Variants in STARD13 observed in about 807,000 individuals in gnomAD.
The protein encoded by STARD13 is stAR-related lipid transfer protein 13.
Under a neutral mutation model 106.4 loss-of-function variants are expected in STARD13, and 62 were observed. The observed-to-expected ratio is 0.58, with a 90% CI of 0.48 to 0.72. STARD13 has a LOEUF of 0.72. Among genes scored for constraint, STARD13 ranks in the 30% least tolerant of loss-of-function variants. The pLI is 0.00. For missense variants in STARD13, 1,387 were observed against 1,424.0 expected, an observed-to-expected ratio of 0.97 and a Z score of 0.42; for synonymous variants, 565 against 553.0, an observed-to-expected ratio of 1.02 and a Z score of -0.31.
At chr13:33,402,861 G>A in the STARD13 span, among the ~76,000 whole-genome samples, 4 of 152,302 alleles carry the variant, frequency 2.6e-5, no homozygotes, top group Admixed American at 6.5e-5. Context: ...CCCCACTTCC[G>A]GCTCCCCATT....
At chr13:33,569,261 C>T in the STARD13 span, among the ~76,000 whole-genome samples, 1 of 147,624 alleles carries the variant, frequency 6.8e-6, no homozygotes, top group African/African-American at 2.5e-5. Flanking sequence ...CTACTCATAC[C>T]TTGTTGATAA....
the STARD13 span, among the ~76,000 whole-genome samples, chr13:33,669,059 G>T: frequency 6.6e-6 from 1 of 152,116 alleles, no homozygotes; most frequent in South Asian, 2.1e-4. Flanking sequence ...GCAGGTCCTG[G>T]ATCACAATGT....
the STARD13 span, among the ~76,000 whole-genome samples, chr13:33,457,036 T>C: frequency 6.6e-6 from 1 of 152,310 alleles, no homozygotes; most frequent in African/African-American, 2.4e-5. Context: ...AACTAAAAGA[T>C]TTGGTGACAG....
chr13:33,646,789 A>C, the STARD13 span, among the ~76,000 whole-genome samples: 4 of 152,196 alleles, frequency 2.6e-5, no homozygotes, highest in African/African-American at 9.7e-5. Flanking sequence ...CAAATCAGTG[A>C]AATGTTACAT....
chr13:33,504,524 A>G, the STARD13 span, among the ~76,000 whole-genome samples: 10 of 149,208 alleles, frequency 6.7e-5, no homozygotes, highest in Non-Finnish European at 4.4e-5. Context: ...CAAAGACCGC[A>G]TGTTCTCACT....
rs495680 is a variant in STARD13, at chr13:33,129,519, T to A, written c.1158A>T (p.Glu386Asp). The A allele has an allele frequency of 1.9e-6, 3 of 1,613,862 alleles. No homozygotes were observed. Among genetic ancestry groups the A allele is most frequent in the East Asian group, 2.2e-5 (1 of 44,842 alleles). The change falls in exon 5 of 14, where the codon GAA (glutamate) becomes GAT (aspartate). Residue 386 changes from glutamate to aspartate, a missense_variant. By Grantham distance (45) the Glu-to-Asp change is conservative. Transcript: ENST00000336934. ...PDAGDQSRMH[E>D]FHSQENLVVH... Reference sequence around the variant, plus strand: ...CCACCAAATTCTCTTGGGAGTGAAATTCATGCATACGGCTTTGGTCCCCTG... The same window carrying A: ...CCACCAAATTCTCTTGGGAGTGAAAATCATGCATACGGCTTTGGTCCCCTG...
At chr13:33,390,496 G>A in the STARD13 span, among the ~76,000 whole-genome samples, 1 of 152,180 alleles carries the variant, frequency 6.6e-6, no homozygotes, top group Non-Finnish European at 1.5e-5. Flanking sequence ...ACTTGAGAAT[G>A]ACAGAGGGCA....
At chr13:33,385,597 C>A in the STARD13 span, among the ~76,000 whole-genome samples, 11 of 151,272 alleles carry the variant, frequency 7.3e-5, no homozygotes, top group Non-Finnish European at 1.5e-4. Context: ...CGGTGGCTCA[C>A]GCCTGTAATC....
At chr13:33,228,498 C>T (rs558374678) in intron 1 of STARD13, among the ~76,000 whole-genome samples, 17 of 151,602 alleles carry the variant, frequency 1.1e-4, no homozygotes, top group Non-Finnish European at 2.4e-4. Context: ...TGTGTGGACT[C>T]CTTAGTGAAA....
At chr13:33,323,650 G>A (rs1043916426) in intron 1 of STARD13, among the ~76,000 whole-genome samples, 10 of 152,142 alleles carry the variant, frequency 6.6e-5, no homozygotes, top group African/African-American at 2.4e-4. Flanking sequence ...CTGATCTTCT[G>A]CTTTCCCATT....
chr13:33,559,814 G>A, the STARD13 span, among the ~76,000 whole-genome samples: 3 of 151,494 alleles, frequency 2.0e-5, no homozygotes, highest in South Asian at 2.1e-4. Flanking sequence ...CCAAGATCAC[G>A]CCACTGCACT....
the STARD13 span, among the ~76,000 whole-genome samples, chr13:33,643,001 G>T: frequency 6.6e-6 from 1 of 152,098 alleles, no homozygotes; most frequent in Non-Finnish European, 1.5e-5. Context: ...TGCAATGAAG[G>T]CCTGCAAGAG....
the STARD13 span, among the ~76,000 whole-genome samples, chr13:33,416,504 T>C: frequency 6.6e-6 from 1 of 152,184 alleles, no homozygotes; most frequent in African/African-American, 2.4e-5. Context: ...TAGTCTGTAG[T>C]TTCTGATGGA....
chr13:33,469,614 A>G, the STARD13 span, among the ~76,000 whole-genome samples: 1 of 152,302 alleles, frequency 6.6e-6, no homozygotes, highest in African/African-American at 2.4e-5. Context: ...GCAAAGAGAC[A>G]ATATTAGAGT....
the STARD13 span, among the ~76,000 whole-genome samples, chr13:33,517,178 G>T: frequency 6.6e-6 from 1 of 151,946 alleles, no homozygotes; most frequent in Non-Finnish European, 1.5e-5. Context: ...TGCATCATAG[G>T]TTTTTATCAC....
rs1033994840 is a variant in STARD13, at chr13:33,165,377, G to A, written c.283C>T (p.His95Tyr). 18 of 1,613,740 alleles carry A rather than the reference G, an allele frequency of 1.1e-5. No homozygotes were observed. Among genetic ancestry groups the A allele is most frequent in the Non-Finnish European group, 1.4e-5 (16 of 1,179,852 alleles). The change falls in exon 3 of 14, where the codon CAT becomes TAT. Residue 95 changes from histidine (H) to tyrosine (Y), a missense_variant. Physicochemically the swap from His to Tyr is moderately conservative, Grantham distance 83. Transcript: ENST00000336934. ...PINIVAVKNDHDFLEKDLVEP... is the reference protein window; with the variant it reads ...PINIVAVKNDYDFLEKDLVEP... ...ACAAGGTCCTTTTCAAGAAAATCAT[G>A]ATCATTCTTGACAGCCACAATGTTG...
intron 1 of STARD13, among the ~76,000 whole-genome samples, chr13:33,188,697 T>C (rs7335916): frequency 0.34 from 51,057 of 152,118 alleles, 9,087 homozygotes; most frequent in East Asian, 0.6. Flanking sequence ...TGTTTCACTG[T>C]TCGTCACTTC....
chr13:33,150,064 T>C (rs142979238), intron 3 of STARD13, among the ~76,000 whole-genome samples: 3 of 152,344 alleles, frequency 2.0e-5, no homozygotes, highest in African/African-American at 7.2e-5. Context: ...GGAGCCTTGA[T>C]TCAGACAGGG....
At chr13:33,505,622 G>A in the STARD13 span, among the ~76,000 whole-genome samples, 1 of 152,128 alleles carries the variant, frequency 6.6e-6, no homozygotes, top group Admixed American at 6.6e-5. Flanking sequence ...AATGTCTTCT[G>A]ATTTAACTAC....
Sources: gnomAD v4.1 joint callset for allele counts (sites outside exome capture counted in the v4.1 genomes callset) on GRCh38, gnomAD v4.1.1 for gene constraint, MANE v1.5 for transcripts, NCBI Gene and HGNC (gene_info 2026-07-23, HGNC 2026-07-21) for gene names.